The following RPH3AL variants were observed in gnomAD, a reference collection of about 807,000 sequenced individuals.
RPH3AL encodes rab effector Noc2.
RPH3AL carries 38 observed loss-of-function variants against 43.1 expected under a neutral mutation model. The observed-to-expected ratio is 0.88, with a 90% CI of 0.68 to 1.15. RPH3AL has a LOEUF of 1.15. Ranked by LOEUF, RPH3AL falls within the 50% of genes most tolerant of loss-of-function variation. The pLI is 0.00. For missense variants in RPH3AL, 462 were observed against 423.2 expected, an observed-to-expected ratio of 1.09 and a Z score of -0.81; for synonymous variants, 189 against 176.3, an observed-to-expected ratio of 1.07 and a Z score of -0.57.
chr17:236,071 C>T (rs563085621), intron 7 of RPH3AL, among the ~76,000 whole-genome samples: 13 of 150,582 alleles, frequency 8.6e-5, no homozygotes, highest in African/African-American at 2.0e-4. Context: ...AAGCTGGGGT[C>T]GGCCACATGG....
chr17:339,919 G>C (rs1009676807), intron 1 of RPH3AL, among the ~76,000 whole-genome samples: 3 of 152,144 alleles, frequency 2.0e-5, no homozygotes, highest in Non-Finnish European at 4.4e-5. Flanking sequence ...CGGGCTGGCT[G>C]TTTCCCGGAG....
chr17:308,535 A>G (rs796859655), intron 5 of RPH3AL, among the ~76,000 whole-genome samples: 1 of 152,360 alleles, frequency 6.6e-6, no homozygotes, highest in African/African-American at 2.4e-5. Flanking sequence ...TAGCTGCAAC[A>G]TGGAAGCAAC....
At chr17:324,619 G>A (rs912764144) in intron 3 of RPH3AL, among the ~76,000 whole-genome samples, 33 of 152,108 alleles carry the variant, frequency 2.2e-4, no homozygotes, top group African/African-American at 7.2e-4. Flanking sequence ...CTTCACCTGG[G>A]GCCCCTGTCT....
intron 6 of RPH3AL, among the ~76,000 whole-genome samples, chr17:249,769 C>T (rs1555541564): frequency 6.6e-6 from 1 of 151,542 alleles, no homozygotes; most frequent in East Asian, 1.9e-4. Flanking sequence ...AGAGCCTTTA[C>T]TAAGCTCCAT....
chr17:308,505 C>T (rs2043558466), intron 5 of RPH3AL, among the ~76,000 whole-genome samples: 1 of 152,212 alleles, frequency 6.6e-6, no homozygotes, highest in South Asian at 2.1e-4. Flanking sequence ...CGCTCGTGCC[C>T]ACTGCAGCAT....
rs1325285019 is a variant in RPH3AL at position 250,472 on chromosome 17, C to T, written c.439-3187G>A. Among the ~76,000 whole-genome samples the T allele has an allele frequency of 8.8e-5, 12 of 135,908 alleles. 1 individual carries two copies. Among genetic ancestry groups the T allele is most frequent in the Admixed American group, 2.3e-4 (3 of 12,990 alleles). 89.2% of individuals were successfully genotyped at this position (135,908 alleles called of 152,430 possible). On this transcript the variant is annotated intron_variant, in intron 6 of 9. Transcript: ENST00000331302. ...GGACCTCTTAGAGCCTAAGTGCCATCGCTGTGGGACCTCTCGGGGCCTTTA... is the reference window on the plus strand; with the variant it reads ...GGACCTCTTAGAGCCTAAGTGCCATTGCTGTGGGACCTCTCGGGGCCTTTA...
At position 240,237 on chromosome 17, in the gene RPH3AL, C is replaced by CAAA. The variant is rs56048443; in HGVS notation, c.613+6871_613+6873dup. 7.8e-5 allele frequency among the ~76,000 whole-genome samples: 11 copies of CAAA among 140,300 alleles called. 1 individual carries two copies. Among genetic ancestry groups the CAAA allele is most frequent in the East Asian group, 4.1e-4 (2 of 4,862 alleles). 92.0% of individuals were successfully genotyped at this position (140,300 alleles called of 152,430 possible). ...GGGCAACAAGAGTGAAACTCCATCT[C>CAAA]AAAAAAAAAAAAAAAGGTTTTTTTG... On this transcript the variant is annotated intron_variant, in intron 7 of 9. Transcript: ENST00000331302.
Position 293,850 on chromosome 17 carries a change from G to A in RPH3AL, c.352-11996C>T, listed in dbSNP as rs148232179. On this transcript the variant is annotated intron_variant, in intron 5 of 9. Coordinates refer to ENST00000331302, the MANE Select transcript of RPH3AL (RefSeq NM_006987.4). ...TCAACACCAACCTGGCCAACAAGGC[G>A]AAACCCCGTCTCTACTAAAAATACA... 8.8e-3 allele frequency among the ~76,000 whole-genome samples: 1,343 copies of A among 152,062 alleles called. 9 individuals are homozygous for A. Among genetic ancestry groups the A allele is most frequent in the African/African-American group, 0.028 (1,159 of 41,406 alleles).
intron 6 of RPH3AL, among the ~76,000 whole-genome samples, chr17:250,198 G>C (rs1341158134): frequency 2.9e-5 from 4 of 140,128 alleles, no homozygotes; most frequent in Non-Finnish European, 4.6e-5. Context: ...CATCGCTGCG[G>C]GACCTCTCAG....
rs1437176421 is a variant in RPH3AL at position 251,943 on chromosome 17, C to G, written c.439-4658G>C. On this transcript the variant is annotated intron_variant, in intron 6 of 9. Transcript: ENST00000331302. ...GAACCGCACGCCACACTGTCTCCCC[C>G]ACCCGCCTTGGAAGTTTTCTCTTTT... is the stretch of plus-strand genomic sequence containing the variant. Among the ~76,000 whole-genome samples the G allele has an allele frequency of 2.6e-5, 4 of 151,906 alleles. No individual in the cohort carries two copies. In the South Asian group the frequency reaches 6.3e-4, roughly 24 times the overall value.
intron 7 of RPH3AL, among the ~76,000 whole-genome samples, chr17:221,745 A>C: frequency 8.0e-6 from 1 of 125,224 alleles, no homozygotes; most frequent in African/African-American, 3.4e-5. Flanking sequence ...CACTGAGACA[A>C]TAGACCCAAG....
In RPH3AL at chr17:264,592, G is replaced by A. The variant is rs554557781; in HGVS notation, c.438+17176C>T. Among the ~76,000 whole-genome samples, 130 of 152,334 alleles carry A rather than the reference G, an allele frequency of 8.5e-4. No homozygotes were observed. Among genetic ancestry groups the A allele is most frequent in the African/African-American group, 1.6e-3 (65 of 41,584 alleles). ...TGTGACCACTGCATGGTGGTTTTCC[G>A]CTGATCGGTGTGAGGAGGGCATGAA... On this transcript the variant is annotated intron_variant, in intron 6 of 9. Transcript: ENST00000331302. The surrounding 1 kb of genome is among the most constrained non-coding windows in gnomAD (Gnocchi z 4.8).
intron 7 of RPH3AL, among the ~76,000 whole-genome samples, chr17:220,056 G>A (rs778884575): frequency 7.9e-5 from 12 of 152,204 alleles, no homozygotes; most frequent in Middle Eastern, 3.4e-3. Flanking sequence ...GAACCCACTG[G>A]CCGTGTCGGA....
intron 5 of RPH3AL, among the ~76,000 whole-genome samples, chr17:293,366 C>G (rs1850365911): frequency 6.6e-6 from 1 of 152,080 alleles, no homozygotes; most frequent in African/African-American, 2.4e-5. Flanking sequence ...GAAATCATGA[C>G]TTGGACGGGG....
At chr17:332,843 C>G (rs1398465177) in intron 2 of RPH3AL, 3 of 423,558 alleles carry the variant, frequency 7.1e-6, no homozygotes, top group African/African-American at 6.2e-5. Context: ...ACACGCTGAG[C>G]AGAGGCAGCA....
At position 245,257 on chromosome 17, in the gene RPH3AL, G is replaced by C. The variant is rs1555539388; in HGVS notation, c.613+1854C>G. Among the ~76,000 whole-genome samples the C allele has an allele frequency of 1.3e-5, 2 of 151,672 alleles. No homozygotes were observed. Among genetic ancestry groups the C allele is most frequent in the African/African-American group, 4.8e-5 (2 of 41,268 alleles). The stretch of plus-strand genomic sequence containing the variant: ...TGCGTGTGGATGAGAGCATGTGTGT[G>C]TGCACGTGGATGTCAGTGTGTGTGT... On this transcript the variant is annotated intron_variant, in intron 7 of 9. Transcript: ENST00000331302. This position sits in a 1 kb window ranked among gnomAD's most constrained non-coding sequence, Gnocchi z 5.9.
At chr17:268,223 C>T (rs980058718) in intron 6 of RPH3AL, among the ~76,000 whole-genome samples, 24 of 152,258 alleles carry the variant, frequency 1.6e-4, no homozygotes, top group African/African-American at 5.1e-4. Context: ...CTTCCTCCTC[C>T]TCATCTCCCC....
Position 291,450 on chromosome 17 carries a change from G to A in RPH3AL, c.352-9596C>T, listed in dbSNP as rs115985421. Among the ~76,000 whole-genome samples, 219 of 152,274 alleles carry A rather than the reference G, an allele frequency of 1.4e-3. 1 individual carries two copies. The highest frequency in any genetic ancestry group is 4.9e-3 in the African/African-American group (203 of 41,538). ...GAAAATTACTTTCCTGAGAGTTCCA[G>A]TGAGTTGAAATCGGCAGGTGAGCTG... is the stretch of plus-strand genomic sequence containing the variant. On this transcript the variant is annotated intron_variant, in intron 5 of 9. Coordinates refer to ENST00000331302, the MANE Select transcript of RPH3AL (RefSeq NM_006987.4).
At chr17:242,058 A>G (rs2041552012) in intron 7 of RPH3AL, among the ~76,000 whole-genome samples, 1 of 152,186 alleles carries the variant, frequency 6.6e-6, no homozygotes, top group Non-Finnish European at 1.5e-5. Context: ...CGGAGGTTGC[A>G]GTGAGCAGAG....
Sources: allele counts gnomAD v4.1 joint callset (sites outside exome capture counted in the v4.1 genomes callset), GRCh38; gene constraint gnomAD v4.1.1; non-coding constraint Gnocchi (gnomAD v3.1); transcripts MANE v1.5; gene names NCBI Gene and HGNC (gene_info 2026-07-23, HGNC 2026-07-21).